The following ABR variants were observed in gnomAD, a reference collection of about 807,000 sequenced individuals.
ABR encodes ABR activator of RhoGEF and GTPase.
Under a neutral mutation model 107.2 loss-of-function variants are expected in ABR, and 35 were observed. The observed-to-expected ratio is 0.33, with a 90% CI of 0.25 to 0.43. ABR has a LOEUF of 0.43. Among genes scored for constraint, ABR ranks in the 20% least tolerant of loss-of-function variants. The pLI is 1.00. For missense variants in ABR, 815 were observed against 1,115.2 expected (o/e 0.73, Z 3.83); for synonymous variants, 498 against 462.0 (o/e 1.08, Z -1.00).
chr17:1,069,437 G>A (rs2035030130), intron 9 of ABR, among the ~76,000 whole-genome samples: 3 of 152,164 alleles, frequency 2.0e-5, no homozygotes, highest in African/African-American at 4.8e-5. Flanking sequence ...GCCGAGGCGG[G>A]CAGATCACCT....
chr17:1,042,516 C>A (rs928145267), intron 16 of ABR, among the ~76,000 whole-genome samples: 1 of 151,584 alleles, frequency 6.6e-6, no homozygotes, highest in African/African-American at 2.4e-5. Flanking sequence ...CATCCACGGA[C>A]GGATGGATAA....
intron 1 of ABR, among the ~76,000 whole-genome samples, chr17:1,147,296 G>T (rs560573943): frequency 6.6e-6 from 1 of 152,178 alleles, no homozygotes; most frequent in East Asian, 1.9e-4. Context: ...GGACCACTGT[G>T]AGCAAGCAGC....
intron 1 of ABR, among the ~76,000 whole-genome samples, chr17:1,223,315 A>C (rs2043153357): frequency 6.6e-6 from 1 of 151,938 alleles, no homozygotes; most frequent in Admixed American, 6.6e-5. Context: ...ACACACACAC[A>C]CACACACACA....
chr17:1,043,521 T>G (rs1183714914), intron 16 of ABR, among the ~76,000 whole-genome samples: 1 of 151,980 alleles, frequency 6.6e-6, no homozygotes, highest in Non-Finnish European at 1.5e-5. Context: ...CACTACAATC[T>G]TTTATTTTTT....
chr17:1,065,676 T>C (rs2034642790), intron 10 of ABR, among the ~76,000 whole-genome samples: 1 of 152,012 alleles, frequency 6.6e-6, no homozygotes, highest in Non-Finnish European at 1.5e-5. Flanking sequence ...ACTAAACAGT[T>C]TGCAGTTCTC....
At chr17:1,156,062 T>C (rs1267066561) in intron 1 of ABR, 1 of 151,736 alleles carries the variant, frequency 6.6e-6, no homozygotes, top group Non-Finnish European at 1.5e-5. Flanking sequence ...AGTGTCCTGG[T>C]ACCCAGGTGG....
chr17:1,159,541 C>CAA (rs1567841346), intron 1 of ABR, among the ~76,000 whole-genome samples: 6 of 81,780 alleles, frequency 7.3e-5, no homozygotes, highest in African/African-American at 1.3e-4. Flanking sequence ...TACTCACACA[C>CAA]GGGAGAAGTA....
chr17:1,095,472 G>A (rs371675952), intron 3 of ABR, among the ~76,000 whole-genome samples: 2 of 152,170 alleles, frequency 1.3e-5, no homozygotes, highest in South Asian at 4.1e-4. Context: ...GAAGTCCTGC[G>A]TATGGGCTCA....
intron 6 of ABR, among the ~76,000 whole-genome samples, chr17:1,075,091 A>G (rs992351592): frequency 4.6e-5 from 7 of 152,376 alleles, no homozygotes; most frequent in South Asian, 2.1e-4. Context: ...GGCCCCCAAG[A>G]GCCACACCCT....
At chr17:1,054,654 G>A (rs1392447250) in intron 14 of ABR, among the ~76,000 whole-genome samples, 3 of 31,804 alleles carry the variant, frequency 9.4e-5, no homozygotes, top group African/African-American at 3.5e-4. Flanking sequence ...TCAGGGGATG[G>A]GGGCACAAGG....
rs114029573 is a variant in ABR, at chr17:1,123,424, G to A, written c.246+1759C>T. ...CAGCCACCAAGTCAAGTTCTGCCCC[G>A]AAGCCCCGGAGCGCCAGGCGGGGGC... is the stretch of plus-strand genomic sequence containing the variant. On this transcript the variant is annotated intron_variant, in intron 2 of 22. Coordinates refer to ENST00000302538, the MANE Select transcript of ABR (RefSeq NM_021962.5). Among the ~76,000 whole-genome samples, 1,261 of 152,286 alleles carry A rather than the reference G, an allele frequency of 8.3e-3. 23 individuals carry two copies. Among genetic ancestry groups the A allele is most frequent in the African/African-American group, 0.029 (1,194 of 41,546 alleles).
At chr17:1,055,871 T>G in intron 14 of ABR, 164 bp downstream of exon 14, 2 of 628,266 alleles carry the variant, frequency 3.2e-6, no homozygotes, top group Non-Finnish European at 5.6e-6. Context: ...AAAGAGGACT[T>G]TGGAGACAAA....
chr17:1,101,121 G>GCCCCCCTTTCCCCTTT (rs2037835659), intron 2 of ABR: 1 of 196,204 alleles, frequency 5.1e-6, no homozygotes, highest in African/African-American at 2.5e-5. Context: ...ACCATGCCCA[G>GCCCCCCTTTCCCCTTT]CCATTATGCC....
In ABR at chr17:1,078,939, G is replaced by A; in HGVS notation, c.700+391C>T. ...CGCCCACCAGCAGCCCGGCCACTCA[G>A]CCACCTTGCTGATGCTGCCGCACGG... On this transcript the variant is annotated intron_variant, in intron 6 of 22. Coordinates refer to ENST00000302538, the MANE Select transcript of ABR (RefSeq NM_021962.5). This position sits in a 1 kb window ranked among gnomAD's most constrained non-coding sequence, Gnocchi z 7.5. 6.5e-7 allele frequency: 1 copy of A among 1,528,976 alleles called. No individual in the cohort carries two copies. Among genetic ancestry groups the A allele is most frequent in the Non-Finnish European group, 8.8e-7 (1 of 1,142,796 alleles). The allele number at this position is 1,528,976 out of a possible 1,614,324, so 94.7% of individuals were successfully genotyped here.
intron 1 of ABR, among the ~76,000 whole-genome samples, chr17:1,173,101 C>T (rs1231777917): frequency 1.2e-4 from 7 of 60,048 alleles, no homozygotes; most frequent in Admixed American, 4.3e-4. Flanking sequence ...ATCATCTCAG[C>T]CCACCCAACA....
At chr17:1,052,147 A>G (rs2032632294) in intron 14 of ABR, among the ~76,000 whole-genome samples, 1 of 151,834 alleles carries the variant, frequency 6.6e-6, no homozygotes, top group Non-Finnish European at 1.5e-5. Context: ...CTCCAGCTGG[A>G]GCAACAGAAA....
rs115751827 is a variant in ABR, at chr17:1,225,974, C to G, written c.838+2819G>C. 2.0e-3 allele frequency among the ~76,000 whole-genome samples: 305 copies of G among 152,260 alleles called. 3 individuals are homozygous for G. The highest frequency in any genetic ancestry group is 6.4e-3 in the African/African-American group (266 of 41,534). On this transcript the variant is annotated intron_variant, in intron 1 of 22. Coordinates refer to the ABR transcript ENST00000574139. Reference sequence around the variant, plus strand: ...GCAAGAAATACATTCTACATCAGCTCCCAGTGTACACATACGCGTCCGCAT... The same window carrying G: ...GCAAGAAATACATTCTACATCAGCTGCCAGTGTACACATACGCGTCCGCAT...
intron 3 of ABR, among the ~76,000 whole-genome samples, chr17:1,093,230 A>G (rs1299369892): frequency 6.6e-6 from 1 of 150,658 alleles, no homozygotes; most frequent in African/African-American, 2.4e-5. Flanking sequence ...GCACTTTGGG[A>G]GGCCGAGGCA....
intron 2 of ABR, among the ~76,000 whole-genome samples, chr17:1,118,362 G>C (rs1258697005): frequency 4.0e-5 from 1 of 24,946 alleles, no homozygotes; most frequent in African/African-American, 2.0e-4. Context: ...CTGAGCCTGA[G>C]TTCCTCCCAG....
Sources: allele counts gnomAD v4.1 joint callset (sites outside exome capture counted in the v4.1 genomes callset), GRCh38; gene constraint gnomAD v4.1.1; non-coding constraint Gnocchi (gnomAD v3.1); transcripts MANE v1.5; gene names NCBI Gene and HGNC (gene_info 2026-07-23, HGNC 2026-07-21).